ERCC3: variants seen among roughly 807,000 people sequenced by gnomAD.
ERCC3 encodes the protein general transcription and DNA repair factor IIH helicase/translocase subunit XPB.
A neutral mutation model predicts 94.2 loss-of-function variants in ERCC3; 66 were observed. The ratio of observed to expected loss-of-function variants is 0.70; its 90% CI spans 0.57 to 0.86. The LOEUF (loss-of-function observed/expected upper bound fraction) is 0.86. Among genes scored for constraint, ERCC3 ranks in the 40% least tolerant of loss-of-function variants. The pLI, the probability that ERCC3 is intolerant of heterozygous loss-of-function variation, is 0.00. For missense variants in ERCC3, 829 were observed against 987.1 expected (o/e 0.84, Z 2.15); for synonymous variants, 349 against 369.1 (o/e 0.95, Z 0.63).
intron 8 of ERCC3, among the ~76,000 whole-genome samples, chr2:127,281,207 A>G (rs898496358): frequency 6.6e-6 from 1 of 152,204 alleles, no homozygotes; most frequent in African/African-American, 2.4e-5. Flanking sequence ...ATCTAGGGAG[A>G]GGAAGAAATG....
At chr2:127,282,421 T>G (rs997966946) in intron 8 of ERCC3, among the ~76,000 whole-genome samples, 2 of 152,192 alleles carry the variant, frequency 1.3e-5, no homozygotes. Context: ...AATAAATACC[T>G]GTAGAAATAA....
Position 127,264,340 on chromosome 2 carries a change from C to G in ERCC3, c.1946-2994G>C, listed in dbSNP as rs1369569359. Among the ~76,000 whole-genome samples the G allele has an allele frequency of 6.6e-6, 1 of 152,076 alleles. No individual in the cohort carries two copies. Among genetic ancestry groups the G allele is most frequent in the Admixed American group, 6.5e-5 (1 of 15,268 alleles). On this transcript the variant is annotated intron_variant, in intron 12 of 14. Coordinates refer to ENST00000285398, the MANE Select transcript of ERCC3 (RefSeq NM_000122.2). The surrounding 1 kb of genome is among the most constrained non-coding windows in gnomAD (Gnocchi z 4.4). ...AATTAGCTGGGCATGGTGGTGCGTGCCTGTAGTCCCAGCTACTTGGGAGGC... is the reference window on the plus strand; with the variant it reads ...AATTAGCTGGGCATGGTGGTGCGTGGCTGTAGTCCCAGCTACTTGGGAGGC...
rs1279115147 is a variant in ERCC3, at chr2:127,259,324, GC to G, written c.2188del (p.Ala730LeufsTer18). ...GCTGGATCTGGAGCCAAATTCCCCAGCCACCACCTCCTCCTCGGCATCCAGG... is the reference window on the plus strand; with the variant it reads ...GCTGGATCTGGAGCCAAATTCCCCAGCACCACCTCCTCCTCGGCATCCAGG... ...TDLDAEEEVV[A>X]GEFGSRSSQA... On this transcript the variant is annotated frameshift_variant, in exon 14 of 15. Coordinates refer to ENST00000285398, the MANE Select transcript of ERCC3 (RefSeq NM_000122.2). LOFTEE classifies it high-confidence loss of function. This position sits in a 1 kb window ranked among gnomAD's most constrained non-coding sequence, Gnocchi z 4.9. The G allele has an allele frequency of 6.2e-7, 1 of 1,614,194 alleles. No individual in the cohort carries two copies. The highest frequency in any genetic ancestry group is 1.7e-5 in the Admixed American group (1 of 60,022).
Position 127,286,908 on chromosome 2 carries a change from C to T in ERCC3, c.1137G>A (p.Lys379=). ...GGCTGTCGTCAATGGTGGACCACAT[C>T]TTGAACTGGGCTTTCCACTGCTCCA... ...VSVEQWKAQF[K]MWSTIDDSQI... Residue 379 remains lysine (K), a synonymous_variant, in exon 8 of 15, where the codon AAG becomes AAA. Coordinates refer to ENST00000285398, the MANE Select transcript of ERCC3 (RefSeq NM_000122.2). 1.2e-6 allele frequency: 2 copies of T among 1,614,228 alleles called. No individual in the cohort carries two copies. Among genetic ancestry groups the T allele is most frequent in the Non-Finnish European group, 8.5e-7 (1 of 1,180,044 alleles).
At chr2:127,281,754 AAC>A (rs972979992) in intron 8 of ERCC3, among the ~76,000 whole-genome samples, 2 of 151,714 alleles carry the variant, frequency 1.3e-5, no homozygotes, top group African/African-American at 2.4e-5. Context: ...ACCACATGCA[AAC>A]ACACACACAC....
rs1573928372 is a variant in ERCC3, at chr2:127,261,543, A to G, written c.1946-197T>C. 6 of 604,306 alleles carry G rather than the reference A, an allele frequency of 9.9e-6. No homozygotes were observed. In the East Asian group the frequency reaches 1.4e-4, roughly 15 times the overall value. The allele number at this position is 604,306 out of a possible 1,614,324, so 37.4% of individuals were successfully genotyped here. On this transcript the variant is annotated intron_variant, in intron 12 of 14. Coordinates refer to ENST00000285398, the MANE Select transcript of ERCC3 (RefSeq NM_000122.2). ...TTCCAAGGACACCATCAAGTGAAAA[A>G]ACAATCCTCAGAATAAAAAAATGTG... is the stretch of plus-strand genomic sequence containing the variant.
At chr2:127,263,954 C>T (rs755782525) in intron 12 of ERCC3, among the ~76,000 whole-genome samples, 1 of 152,110 alleles carries the variant, frequency 6.6e-6, no homozygotes, top group African/African-American at 2.4e-5. Context: ...TTGTGATCCG[C>T]CCACCTCGGC....
intron 12 of ERCC3, among the ~76,000 whole-genome samples, chr2:127,263,510 T>G (rs1169058324): frequency 1.3e-5 from 2 of 152,218 alleles, no homozygotes; most frequent in African/African-American, 4.8e-5. Context: ...CTATCAGGTC[T>G]AGGAGCCTTT....
intron 10 of ERCC3, among the ~76,000 whole-genome samples, chr2:127,273,376 G>A (rs1179419796): frequency 3.9e-5 from 6 of 152,162 alleles, no homozygotes; most frequent in African/African-American, 1.2e-4. Flanking sequence ...TCCAAGAGAT[G>A]AGCAGAAAGG....
In ERCC3 at chr2:127,264,750, C is replaced by T. The variant is rs888072051; in HGVS notation, c.1946-3404G>A. On this transcript the variant is annotated intron_variant, in intron 12 of 14. Coordinates refer to ENST00000285398, the MANE Select transcript of ERCC3 (RefSeq NM_000122.2). The surrounding 1 kb of genome is among the most constrained non-coding windows in gnomAD (Gnocchi z 4.4). ...TTTGGTATCAGGATGATAGTGGTTT[C>T]GTAGTATGAGTTAGGAAGAAGTCTC... 6.6e-6 allele frequency among the ~76,000 whole-genome samples: 1 copy of T among 151,660 alleles called. No homozygotes were observed. The highest frequency in any genetic ancestry group is 1.5e-5 in the Non-Finnish European group (1 of 67,976).
Position 127,292,863 on chromosome 2 carries a change from G to A in ERCC3, c.235-17C>T, listed in dbSNP as rs755780270. ...ATCGGGAGCCTGAGAGATACCAAAT[G>A]GACAAAACAGACAAGGAAACATGAG... On this transcript the variant is annotated splice_polypyrimidine_tract_variant and intron_variant, in intron 2 of 14. Transcript: ENST00000285398. 1 of 1,495,794 alleles carries A rather than the reference G, an allele frequency of 6.7e-7. No individual in the cohort carries two copies. The highest frequency in any genetic ancestry group is 2.3e-5 in the East Asian group (1 of 44,342). The allele number at this position is 1,495,794 out of a possible 1,614,324, so 92.7% of individuals were successfully genotyped here.
intron 13 of ERCC3, chr2:127,260,243 T>A (rs1206627895): frequency 6.5e-6 from 1 of 153,226 alleles, no homozygotes. Context: ...AAGACACAGC[T>A]CCAACCAACA....
Position 127,293,726 on chromosome 2 carries a change from A to G in ERCC3, c.29-8T>C, listed in dbSNP as rs1361345365. 1 of 1,610,472 alleles carries G rather than the reference A, an allele frequency of 6.2e-7. No homozygotes were observed. The highest frequency in any genetic ancestry group is 8.5e-7 in the Non-Finnish European group (1 of 1,180,000). On this transcript the variant is annotated splice_region_variant and splice_polypyrimidine_tract_variant and intron_variant, in intron 1 of 14. Transcript: ENST00000285398. The stretch of plus-strand genomic sequence containing the variant: ...TCCTGGATTTCTTCTTGTCTGCAAG[A>G]TACCAACACAGAAGTAAGCCCAGCA...
intron 1 of ERCC3, 71 bp from the exon 2 acceptor site, chr2:127,293,789 T>C: frequency 6.2e-7 from 1 of 1,601,262 alleles, no homozygotes; most frequent in Non-Finnish European, 8.5e-7. Context: ...CTTGGCAGCA[T>C]TTCACCTGCG....
intron 10 of ERCC3, among the ~76,000 whole-genome samples, chr2:127,273,846 G>T (rs1558953825): frequency 6.6e-6 from 1 of 151,574 alleles, no homozygotes; most frequent in Non-Finnish European, 1.5e-5. Context: ...ATAGCATTGG[G>T]AATGTCACAC....
intron 10 of ERCC3, among the ~76,000 whole-genome samples, chr2:127,273,381 G>T (rs563199190): frequency 6.6e-6 from 1 of 152,302 alleles, no homozygotes; most frequent in Middle Eastern, 3.4e-3. Context: ...GAGATGAGCA[G>T]AAAGGAGAAA....
Position 127,271,514 on chromosome 2 carries a change from G to T in ERCC3, c.1828-61C>A. On this transcript the variant is annotated intron_variant, in intron 11 of 14. Transcript: ENST00000285398. This position sits in a 1 kb window ranked among gnomAD's most constrained non-coding sequence, Gnocchi z 5.0. Reference sequence around the variant, plus strand: ...GAAAAAAAAAAAGTCAACTGATCCAGAATTTAAATAAGTTCTGTAGATAAT... The same window carrying T: ...GAAAAAAAAAAAGTCAACTGATCCATAATTTAAATAAGTTCTGTAGATAAT... The T allele has an allele frequency of 9.1e-7, 1 of 1,093,022 alleles. No homozygotes were observed. Among genetic ancestry groups the T allele is most frequent in the Non-Finnish European group, 1.4e-6 (1 of 706,748 alleles). 67.7% of individuals were successfully genotyped at this position (1,093,022 alleles called of 1,614,324 possible). A position where few individuals can be genotyped will look rare whatever the true frequency, so the allele number is the denominator to read the frequency against.
intron 10 of ERCC3, among the ~76,000 whole-genome samples, chr2:127,273,659 G>C (rs917821832): frequency 1.4e-5 from 2 of 138,176 alleles, no homozygotes; most frequent in Non-Finnish European, 3.0e-5. Flanking sequence ...TGAGGCAGGA[G>C]AATCACTTGA....
intron 12 of ERCC3, among the ~76,000 whole-genome samples, chr2:127,267,180 T>G (rs1000908184): frequency 6.6e-6 from 1 of 152,230 alleles, no homozygotes. Context: ...ATCTGTCTCA[T>G]GCTGTCAGTG....
Sources: allele counts gnomAD v4.1 joint callset (sites outside exome capture counted in the v4.1 genomes callset), GRCh38; gene constraint gnomAD v4.1.1; non-coding constraint Gnocchi (gnomAD v3.1); transcripts MANE v1.5; gene names NCBI Gene and HGNC (gene_info 2026-07-23, HGNC 2026-07-21).